The following HACD1 variants were observed in gnomAD, a reference collection of about 807,000 sequenced individuals.
HACD1 encodes the protein very-long-chain (3R)-3-hydroxyacyl-CoA dehydratase 1.
Under a neutral mutation model 32.0 loss-of-function variants are expected in HACD1, and 41 were observed. That is an observed-to-expected ratio of 1.28 (90% CI 1.00 to 1.66). HACD1 has a LOEUF of 1.66. Ranked by LOEUF, HACD1 falls within the 40% of genes most tolerant of loss-of-function variation. The pLI is 0.00. For synonymous variants in HACD1, 142 were observed against 139.0 expected (o/e 1.02, Z -0.15); for missense variants, 396 against 380.1 (o/e 1.04, Z -0.35).
At chr10:17,607,323 G>GATCC (rs1180353741) in intron 1 of HACD1, among the ~76,000 whole-genome samples, 3 of 152,046 alleles carry the variant, frequency 2.0e-5, no homozygotes, top group African/African-American at 7.2e-5. Context: ...ACAACTGATG[G>GATCC]ATCCATCTCA....
intron 1 of HACD1, among the ~76,000 whole-genome samples, chr10:17,610,046 C>T (rs1476829080): frequency 2.0e-5 from 3 of 151,712 alleles, no homozygotes; most frequent in Admixed American, 2.0e-4. Context: ...CCCAGCCCCT[C>T]CACTCCTAGG....
chr10:17,611,967 G>T (rs76109183), intron 1 of HACD1, among the ~76,000 whole-genome samples: 1 of 140,560 alleles, frequency 7.1e-6, no homozygotes, highest in African/African-American at 2.6e-5. Flanking sequence ...ACTCTGTCTT[G>T]AAAAAAAAAA....
intron 4 of HACD1, 41 bp from the exon 5 acceptor site, chr10:17,599,452 A>T (rs781985163): frequency 6.9e-6 from 11 of 1,584,402 alleles, no homozygotes; most frequent in Non-Finnish European, 9.4e-6. Context: ...TCAACCTAGA[A>T]CTTACTTTTC....
At chr10:17,601,256 A>T (rs1834066437) in intron 4 of HACD1, among the ~76,000 whole-genome samples, 1 of 151,472 alleles carries the variant, frequency 6.6e-6, no homozygotes, top group Non-Finnish European at 1.5e-5. Flanking sequence ...CTGGTCTCGA[A>T]CTCCTGACCT....
Position 17,600,666 on chromosome 10 carries a change from G to A in HACD1, c.484-1255C>T, listed in dbSNP as rs184792746. ...ACTGTACTTTGTTCATATCTGTGTT[G>A]TGGCATTTGCCAATCTGTACTAAGA... On this transcript the variant is annotated intron_variant, in intron 4 of 6. Coordinates refer to ENST00000361271, the MANE Select transcript of HACD1 (RefSeq NM_014241.4). Among the ~76,000 whole-genome samples, 45 of 152,160 alleles carry A rather than the reference G, an allele frequency of 3.0e-4. No homozygotes were observed. The East Asian group carries it at 8.5e-3, about 29-fold the overall frequency.
In HACD1 at chr10:17,592,942, C is replaced by T. The variant is rs565934936; in HGVS notation, c.784+1263G>A. Among the ~76,000 whole-genome samples the T allele has an allele frequency of 2.6e-5, 4 of 152,324 alleles. No homozygotes were observed. The South Asian group carries it at 8.3e-4, about 32-fold the overall frequency. On this transcript the variant is annotated intron_variant, in intron 6 of 6. Transcript: ENST00000361271. ...ATCTGCCGGGGGCAGGGGCTCATGC[C>T]TGTAATCCCAGCACTTTGGGAGACC... is the stretch of plus-strand genomic sequence containing the variant.
intron 1 of HACD1, among the ~76,000 whole-genome samples, chr10:17,604,799 G>C (rs1487147643): frequency 6.6e-6 from 1 of 152,154 alleles, no homozygotes; most frequent in Non-Finnish European, 1.5e-5. Flanking sequence ...TTGACGTCCA[G>C]GGCTCAAGCG....
chr10:17,617,204 C>T lies in HACD1; in HGVS notation c.136G>A (p.Asp46Asn). The T allele has an allele frequency of 6.7e-7, 1 of 1,499,552 alleles. No homozygotes were observed. Among genetic ancestry groups the T allele is most frequent in the Non-Finnish European group, 8.9e-7 (1 of 1,129,832 alleles). The allele number at this position is 1,499,552 out of a possible 1,614,324, so 92.9% of individuals were successfully genotyped here. Residue 46 changes from aspartate (D) to asparagine (N), a missense_variant, in exon 1 of 7, where the codon GAC (aspartate) becomes AAC (asparagine). By Grantham distance (23) the Asp-to-Asn change is conservative. Coordinates refer to ENST00000361271, the MANE Select transcript of HACD1 (RefSeq NM_014241.4). ...TCCGAGGCGCCGCCGTTGGTGCCGT[C>T]CTCGTCGCTGGACGCCATGGTGGCC... ...CAATMASSDE[D>N]GTNGGASEAG...
intron 1 of HACD1, among the ~76,000 whole-genome samples, chr10:17,605,790 T>C (rs1225844485): frequency 6.6e-6 from 1 of 150,930 alleles, no homozygotes; most frequent in Non-Finnish European, 1.5e-5. Context: ...CCCATCTCTA[T>C]TAAAAATACA....
At chr10:17,613,095 GGGGTGTGTGTGTGT>G (rs1833014576) in intron 1 of HACD1, among the ~76,000 whole-genome samples, 2 of 119,818 alleles carry the variant, frequency 1.7e-5, no homozygotes, top group African/African-American at 6.8e-5. Context: ...TTTGCAATTT[GGGGTGTGTGTGTGT>G]GTGTGTGTGT....
At chr10:17,599,498 T>A in intron 4 of HACD1, 87 bp from the exon 5 acceptor site, 1 of 1,474,574 alleles carries the variant, frequency 6.8e-7, no homozygotes, top group Non-Finnish European at 9.0e-7. Context: ...TATTGCCTTT[T>A]ATTTATAATG....
chr10:17,608,016 G>A (rs534021067), intron 1 of HACD1, among the ~76,000 whole-genome samples: 2 of 152,140 alleles, frequency 1.3e-5, no homozygotes, highest in Admixed American at 1.3e-4. Flanking sequence ...TCTGCAATTA[G>A]GATTTTTTTT....
At chr10:17,607,890 A>C (rs10508533) in intron 1 of HACD1, among the ~76,000 whole-genome samples, 44,440 of 152,076 alleles carry the variant, frequency 0.29, 7,042 homozygotes, top group African/African-American at 0.38. Context: ...AAAGGGTGAC[A>C]GTCAAAGAAA....
chr10:17,594,446 G>A, intron 5 of HACD1, 63 bp from the exon 6 acceptor site: 1 of 1,235,996 alleles, frequency 8.1e-7, no homozygotes, highest in Admixed American at 2.9e-5. Flanking sequence ...TTACATTGCA[G>A]GTCTATTGCT....
intron 6 of HACD1, among the ~76,000 whole-genome samples, chr10:17,591,926 C>G (rs1005404248): frequency 6.7e-6 from 1 of 148,506 alleles, no homozygotes; most frequent in Admixed American, 6.8e-5. Flanking sequence ...AGTAGCTGAA[C>G]AGAAGGTATG....
chr10:17,616,560 C>G (rs531344165), intron 1 of HACD1, among the ~76,000 whole-genome samples: 2 of 151,352 alleles, frequency 1.3e-5, no homozygotes, highest in African/African-American at 4.9e-5. Context: ...CATAAAGATG[C>G]TGGGCAGGAG....
At chr10:17,600,031 A>G (rs1834047336) in intron 4 of HACD1, among the ~76,000 whole-genome samples, 1 of 152,224 alleles carries the variant, frequency 6.6e-6, no homozygotes, top group African/African-American at 2.4e-5. Context: ...TGGGCACCAT[A>G]TTCAAGGTTC....
intron 5 of HACD1, among the ~76,000 whole-genome samples, chr10:17,595,207 A>G (rs1833981257): frequency 6.6e-6 from 1 of 152,162 alleles, no homozygotes; most frequent in Admixed American, 6.6e-5. Flanking sequence ...TTGGTGCATA[A>G]AATCACAAAT....
At chr10:17,594,790 G>A (rs868920506) in intron 5 of HACD1, among the ~76,000 whole-genome samples, 30 of 151,606 alleles carry the variant, frequency 2.0e-4, no homozygotes, top group Middle Eastern at 3.2e-3. Flanking sequence ...TCCTGCCTCA[G>A]CCTCCCAAGT....
Sources: allele counts gnomAD v4.1 joint callset (sites outside exome capture counted in the v4.1 genomes callset), GRCh38; gene constraint gnomAD v4.1.1; transcripts MANE v1.5; gene names NCBI Gene and HGNC (gene_info 2026-07-23, HGNC 2026-07-21).